Variants in RAB33A observed in about 807,000 individuals in gnomAD.
The protein encoded by RAB33A is RAB33A, member RAS oncogene family, also known as ras-related protein Rab-33A.
Under a neutral mutation model 12.0 loss-of-function variants are expected in RAB33A, and 6 were observed. The observed-to-expected ratio is 0.50, with a 90% CI of 0.27 to 0.99. RAB33A has a LOEUF of 0.99. Among genes scored for constraint, RAB33A ranks in the 50% least tolerant of loss-of-function variants. The probability of loss-of-function intolerance (pLI) is 0.11; values close to 1 mark genes in which losing one functional copy is unlikely to be tolerated. For missense variants in RAB33A, 109 were observed against 192.0 expected (o/e 0.57, Z 2.55); for synonymous variants, 70 against 82.4 (o/e 0.85, Z 0.81).
intron 1 of RAB33A, among the ~76,000 whole-genome samples, chrX:130,182,175 T>TATATATACACATATATATAAC (rs2031735924): frequency 7.4e-5 from 3 of 40,533 alleles, no homozygotes; most frequent in Admixed American, 2.7e-4. Flanking sequence ...TATATATATA[T>TATATATACACATATATATAAC]ATATATACAC....
At chrX:130,143,210 C>T in the RAB33A span, among the ~76,000 whole-genome samples, 1 of 111,945 alleles carries the variant, frequency 8.9e-6, no homozygotes, top group African/African-American at 3.2e-5. Context: ...AACTTCTACA[C>T]ATATGCAGAT....
At chrX:130,182,825 A>G (rs1404631699) in intron 1 of RAB33A, among the ~76,000 whole-genome samples, 2 of 112,281 alleles carry the variant, frequency 1.8e-5, no homozygotes, top group African/African-American at 6.5e-5. Context: ...GTATTTTGTG[A>G]GCGTTTCTCT....
chrX:130,154,452 A>G, the RAB33A span, among the ~76,000 whole-genome samples: 1 of 112,545 alleles, frequency 8.9e-6, no homozygotes, highest in African/African-American at 3.2e-5. Context: ...GAGAGATATG[A>G]AATGCAAAAA....
At chrX:130,156,890 C>T in the RAB33A span, among the ~76,000 whole-genome samples, 4 of 111,829 alleles carry the variant, frequency 3.6e-5, no homozygotes, top group Non-Finnish European at 5.6e-5. Flanking sequence ...TCAAATACCT[C>T]TTCCTTCATG....
upstream of RAB33A, among the ~76,000 whole-genome samples, chrX:130,168,255 C>T (rs891871889): frequency 1.2e-4 from 13 of 105,735 alleles, no homozygotes; most frequent in Admixed American, 3.0e-4. Flanking sequence ...CCCTTTGTCA[C>T]CCAGGCTGGA....
At position 130,184,314 on chromosome X, in the gene RAB33A, A is replaced by G. The variant is rs764164543; in HGVS notation, c.288A>G (p.Glu96=). 1 of 1,211,245 alleles carries G rather than the reference A, an allele frequency of 8.3e-7. No individual in the cohort carries two copies. Among genetic ancestry groups the G allele is most frequent in the Admixed American group, 2.2e-5 (1 of 46,010 alleles). The change falls in exon 2 of 2, where the codon GAA becomes GAG. Residue 96 remains glutamate (E), a synonymous_variant. Coordinates refer to ENST00000257017, the MANE Select transcript of RAB33A (RefSeq NM_004794.3). ...KVQVWDTAGQ[E]RFRKSMVEHY... ...AGGTGTGGGACACAGCAGGTCAGGA[A>G]CGTTTCCGCAAAAGCATGGTCGAGC... is the stretch of plus-strand genomic sequence containing the variant.
At chrX:130,143,651 G>A in the RAB33A span, among the ~76,000 whole-genome samples, 1 of 107,189 alleles carries the variant, frequency 9.3e-6, no homozygotes, top group African/African-American at 3.4e-5. Flanking sequence ...AGGAGTTCGA[G>A]ACCAACCTGG....
chrX:130,118,105 G>A, the RAB33A span, among the ~76,000 whole-genome samples: 3 of 112,222 alleles, frequency 2.7e-5, no homozygotes, highest in South Asian at 3.6e-4. Flanking sequence ...CACACTGCAC[G>A]GGGCTCTACG....
chrX:130,145,244 T>C, the RAB33A span, among the ~76,000 whole-genome samples: 3 of 111,718 alleles, frequency 2.7e-5, no homozygotes, highest in African/African-American at 9.8e-5. Context: ...GAAGAGCAAA[T>C]AGGAGAGATA....
the RAB33A span, chrX:130,149,495 T>C: frequency 1.7e-5 from 20 of 1,209,583 alleles, no homozygotes; most frequent in Non-Finnish European, 2.2e-5. Context: ...TTTCTGTTTC[T>C]GTTCTGGTGT....
intron 1 of RAB33A, among the ~76,000 whole-genome samples, chrX:130,174,190 G>A (rs1680015370): frequency 8.9e-6 from 1 of 112,407 alleles, no homozygotes; most frequent in Non-Finnish European, 1.9e-5. Context: ...CTTTTTCCCA[G>A]AGGGCAGAGC....
At chrX:130,164,609 G>A in the RAB33A span, among the ~76,000 whole-genome samples, 2 of 111,758 alleles carry the variant, frequency 1.8e-5, no homozygotes, top group Non-Finnish European at 3.8e-5. Context: ...AACGCAGTAC[G>A]AAAAGAAGCA....
chrX:130,116,937 G>GGC, the RAB33A span, among the ~76,000 whole-genome samples: 6 of 112,282 alleles, frequency 5.3e-5, no homozygotes, highest in Non-Finnish European at 9.4e-5. Context: ...ACATTGGCCG[G>GGC]GTGCTGTGGC....
chrX:130,136,866 A>T, the RAB33A span: 2 of 998,594 alleles, frequency 2.0e-6, no homozygotes, highest in African/African-American at 3.8e-5. Flanking sequence ...AGCTGCAAGA[A>T]CCTACACCCA....
the RAB33A span, among the ~76,000 whole-genome samples, chrX:130,111,619 C>T: frequency 1.8e-5 from 2 of 111,300 alleles, no homozygotes; most frequent in Non-Finnish European, 3.8e-5. Context: ...GGGTGGGGGA[C>T]GCTGGCAAGA....
At chrX:130,134,236 CA>C in the RAB33A span, among the ~76,000 whole-genome samples, 23 of 93,553 alleles carry the variant, frequency 2.5e-4, no homozygotes, top group African/African-American at 3.5e-4. Flanking sequence ...GACACCGCCT[CA>C]AAAAAAAAAA....
the RAB33A span, chrX:130,145,669 G>A: frequency 3.0e-3 from 2,029 of 671,820 alleles, 24 homozygotes; most frequent in African/African-American, 0.039. Flanking sequence ...GAAACTTTAA[G>A]GGACGTTTTC....
chrX:130,150,236 A>C, the RAB33A span, among the ~76,000 whole-genome samples: 1 of 108,547 alleles, frequency 9.2e-6, no homozygotes, highest in African/African-American at 3.4e-5. Flanking sequence ...TATCTTCTCT[A>C]TCCTTTCAAA....
chrX:130,147,352 G>C, the RAB33A span: 6 of 740,009 alleles, frequency 8.1e-6, no homozygotes, highest in Admixed American at 1.1e-4. Flanking sequence ...TCTCTAAGCT[G>C]TACCAAGTGT....
Sources: allele counts gnomAD v4.1 joint callset (sites outside exome capture counted in the v4.1 genomes callset), GRCh38; gene constraint gnomAD v4.1.1; transcripts MANE v1.5; gene names NCBI Gene and HGNC (gene_info 2026-07-23, HGNC 2026-07-21).